The following ANGPTL1 variants were observed in gnomAD, a reference collection of about 807,000 sequenced individuals.
ANGPTL1 encodes angiopoietin-related protein 1.
Under a neutral mutation model 46.7 loss-of-function variants are expected in ANGPTL1, and 36 were observed. The observed-to-expected ratio is 0.77, with a 90% confidence interval of 0.59 to 1.02. ANGPTL1 has a LOEUF of 1.02. ANGPTL1 is among the 50% of genes least tolerant of loss of function. The pLI, the probability that ANGPTL1 is intolerant of heterozygous loss-of-function variation, is 0.00. For synonymous variants in ANGPTL1, 221 were observed against 204.3 expected (o/e 1.08, Z -0.69); for missense variants, 571 against 594.7 (o/e 0.96, Z 0.41).
rs976301717 is a variant in ANGPTL1 at position 178,852,720 on chromosome 1, T to C, written c.1251A>G (p.Gln417=). The stretch of plus-strand genomic sequence containing the variant: ...CTTTATCTCTGTCCAGTGTGGTGAA[T>C]TGTTTACCATTATGCCACATCATAG... The part of the protein sequence containing the change: ...GDSMMWHNGK[Q]FTTLDRDKDM... Residue 417 remains glutamine, a synonymous_variant, in exon 5 of 6, where the codon CAA becomes CAG. Coordinates refer to ENST00000234816, the MANE Select transcript of ANGPTL1 (RefSeq NM_004673.4). The C allele has an allele frequency of 6.2e-7, 1 of 1,613,782 alleles. No individual in the cohort carries two copies.
chr1:178,856,196 GAGAGAGATATAT>G (rs1164746781), intron 3 of ANGPTL1, among the ~76,000 whole-genome samples: 36 of 41,044 alleles, frequency 8.8e-4, no homozygotes, highest in African/African-American at 3.7e-3. Context: ...TTTCCAGAGA[GAGAGAGATATAT>G]ATATATATAT....
intron 3 of ANGPTL1, among the ~76,000 whole-genome samples, chr1:178,854,174 A>G (rs1332110962): frequency 1.3e-5 from 2 of 152,092 alleles, no homozygotes; most frequent in Non-Finnish European, 2.9e-5. Flanking sequence ...TTGCTATTAT[A>G]AAAACACTGC....
At chr1:178,859,541 T>C (rs1273266772) in intron 3 of ANGPTL1, among the ~76,000 whole-genome samples, 3 of 146,930 alleles carry the variant, frequency 2.0e-5, no homozygotes, top group Middle Eastern at 3.7e-3. Context: ...GTAGCTGGGA[T>C]TACAGGCGCC....
rs1245487992 is a variant in ANGPTL1 at position 178,849,688 on chromosome 1, A to G, written c.*1441T>C. ...AGTTTAAGATGACCACAGGTAAAAC[A>G]AAGAATAATACCACTATGAGGTTTG... On this transcript the variant is annotated 3_prime_UTR_variant, in exon 6 of 6. Coordinates refer to ENST00000234816, the MANE Select transcript of ANGPTL1 (RefSeq NM_004673.4). The G allele has an allele frequency of 6.6e-6, 1 of 152,248 alleles. No homozygotes were observed. The highest frequency in any genetic ancestry group is 1.5e-5 in the Non-Finnish European group (1 of 68,042). 9.4% of individuals were successfully genotyped at this position (152,248 alleles called of 1,614,324 possible).
Position 178,859,296 on chromosome 1 carries a change from G to A in ANGPTL1, c.824-5509C>T, listed in dbSNP as rs535653381. 4.0e-5 allele frequency among the ~76,000 whole-genome samples: 6 copies of A among 150,630 alleles called. No homozygotes were observed. The Admixed American group carries it at 4.0e-4, about 10-fold the overall frequency. On this transcript the variant is annotated intron_variant, in intron 3 of 5. Coordinates refer to ENST00000234816, the MANE Select transcript of ANGPTL1 (RefSeq NM_004673.4). Reference sequence around the variant, plus strand: ...CAATTATACCTAAAAAGTATATTAAGAAGCATTATAAATAATTTGAAAAAT... The same window carrying A: ...CAATTATACCTAAAAAGTATATTAAAAAGCATTATAAATAATTTGAAAAAT...
chr1:178,865,548 T>C lies in ANGPTL1; in HGVS notation c.229A>G (p.Lys77Glu), dbSNP rs756866252. Residue 77 changes from lysine (K) to glutamate (E), a missense_variant, in exon 3 of 6, where the codon AAA becomes GAA. Lys to Glu is a moderately conservative substitution (Grantham distance 56). Transcript: ENST00000234816. ...NTKGQDASTIKDMITRMDLEN... is the reference protein window; with the variant it reads ...NTKGQDASTIEDMITRMDLEN... Reference sequence around the variant, plus strand: ...AGGTCCATCCTGGTGATCATGTCTTTAATGGTACTTGCATCTTGCCCCTTG... The same window carrying C: ...AGGTCCATCCTGGTGATCATGTCTTCAATGGTACTTGCATCTTGCCCCTTG... 2.2e-5 allele frequency: 36 copies of C among 1,614,038 alleles called. No homozygotes were observed. Among genetic ancestry groups the C allele is most frequent in the Non-Finnish European group, 2.9e-5 (34 of 1,180,010 alleles).
intron 2 of ANGPTL1, among the ~76,000 whole-genome samples, chr1:178,867,237 A>G (rs1310661145): frequency 6.6e-6 from 1 of 152,122 alleles, no homozygotes; most frequent in Non-Finnish European, 1.5e-5. Context: ...TGTTTTACTT[A>G]TCACCACAAC....
At chr1:178,866,569 G>A (rs369836781) in intron 2 of ANGPTL1, among the ~76,000 whole-genome samples, 1 of 152,220 alleles carries the variant, frequency 6.6e-6, no homozygotes, top group East Asian at 1.9e-4. Context: ...CTACTGAACT[G>A]TATTTTAGTA....
chr1:178,855,296 CT>C (rs71677302), intron 3 of ANGPTL1, among the ~76,000 whole-genome samples: 20,692 of 135,778 alleles, frequency 0.15, 2,343 homozygotes, highest in African/African-American at 0.33. Context: ...AGGACAGAGA[CT>C]TTTTTTTTTT....
At chr1:178,869,823 C>T (rs920088059) in intron 1 of ANGPTL1, among the ~76,000 whole-genome samples, 4 of 152,022 alleles carry the variant, frequency 2.6e-5, no homozygotes, top group Non-Finnish European at 5.9e-5. Context: ...TTAAGGCATA[C>T]TATTGGTAAC....
chr1:178,867,093 A>G (rs1490186824), intron 2 of ANGPTL1, among the ~76,000 whole-genome samples: 1 of 152,156 alleles, frequency 6.6e-6, no homozygotes, highest in Non-Finnish European at 1.5e-5. Context: ...AAATTTCCAC[A>G]TAAGTACCTG....
At chr1:178,862,600 T>G (rs1658108384) in intron 3 of ANGPTL1, among the ~76,000 whole-genome samples, 1 of 136,880 alleles carries the variant, frequency 7.3e-6, no homozygotes, top group Non-Finnish European at 1.5e-5. Context: ...TTTTTTTATT[T>G]ATTTATTTAT....
intron 5 of ANGPTL1, among the ~76,000 whole-genome samples, chr1:178,852,407 A>G (rs1462703361): frequency 6.6e-6 from 1 of 152,130 alleles, no homozygotes; most frequent in Admixed American, 6.5e-5. Flanking sequence ...TTTGTTATGA[A>G]TTGTAGGCAC....
intron 3 of ANGPTL1, among the ~76,000 whole-genome samples, chr1:178,859,386 A>G (rs979362055): frequency 2.7e-5 from 4 of 150,750 alleles, no homozygotes; most frequent in Admixed American, 1.3e-4. Context: ...TCTAATGACT[A>G]CTTTCCAAGT....
chr1:178,858,898 T>G (rs969770868), intron 3 of ANGPTL1, among the ~76,000 whole-genome samples: 1 of 152,210 alleles, frequency 6.6e-6, no homozygotes, highest in Admixed American at 6.5e-5. Context: ...AGAATCCTTT[T>G]TATGACAGGA....
intron 3 of ANGPTL1, among the ~76,000 whole-genome samples, chr1:178,862,499 AT>A (rs1658096335): frequency 6.6e-6 from 1 of 152,174 alleles, no homozygotes; most frequent in East Asian, 1.9e-4. Flanking sequence ...AAAATGTCTT[AT>A]GTATGTTACA....
chr1:178,863,221 GTAGAATTCAGTGGA>G (rs1658154756), intron 3 of ANGPTL1, among the ~76,000 whole-genome samples: 5 of 152,156 alleles, frequency 3.3e-5, no homozygotes, highest in Admixed American at 2.6e-4. Flanking sequence ...GGGGACATGA[GTAGAATTCAGTGGA>G]CTGTGTATGG....
intron 4 of ANGPTL1, 40 bp downstream of exon 4, chr1:178,853,554 G>A (rs1657324835): frequency 7.0e-7 from 1 of 1,431,708 alleles, no homozygotes; most frequent in African/African-American, 1.5e-5. Flanking sequence ...TGCAAGAATG[G>A]ATTTGTTTTA....
intron 3 of ANGPTL1, among the ~76,000 whole-genome samples, chr1:178,854,969 T>C (rs1657430220): frequency 6.6e-6 from 1 of 152,102 alleles, no homozygotes. Flanking sequence ...AATATATTAA[T>C]GGATTTAGAA....
Sources: gnomAD v4.1 joint callset for allele counts (sites outside exome capture counted in the v4.1 genomes callset) on GRCh38, gnomAD v4.1.1 for gene constraint, MANE v1.5 for transcripts, NCBI Gene and HGNC (gene_info 2026-07-23, HGNC 2026-07-21) for gene names.